Variants in ANKRD36C observed in about 807,000 individuals in gnomAD.
ANKRD36C encodes ankyrin repeat domain-containing protein 36C.
A neutral mutation model predicts 276.4 loss-of-function variants in ANKRD36C; 61 were observed. That is an observed-to-expected ratio of 0.22 (90% CI 0.18 to 0.27). The LOEUF (loss-of-function observed/expected upper bound fraction) is 0.27. Among genes scored for constraint, ANKRD36C ranks in the 10% least tolerant of loss-of-function variants. The pLI is 1.00. For synonymous variants in ANKRD36C, 483 were observed against 680.1 expected (o/e 0.71, Z 4.51); for missense variants, 1,447 against 2,032.3 (o/e 0.71, Z 5.54).
rs757484773 is a variant in ANKRD36C, at chr2:95,925,337, G to A, written c.2041+15C>T. On this transcript the variant is annotated intron_variant, in intron 30 of 66. Coordinates refer to ENST00000456556, the Ensembl canonical transcript of ANKRD36C. ...CTTGAGTGCACATGACATTAAATGT[G>A]TATTGCCAAATTACCTGTTCCAGAT... 9 of 1,571,562 alleles carry A rather than the reference G, an allele frequency of 5.7e-6. No individual in the cohort carries two copies. The South Asian group carries it at 7.0e-5, about 12-fold the overall frequency.
At chr2:95,908,864 G>A (rs1441304245) in intron 42 of ANKRD36C, among the ~76,000 whole-genome samples, 167 bp from the exon 47 acceptor site, 2 of 151,294 alleles carry the variant, frequency 1.3e-5, no homozygotes, top group Non-Finnish European at 3.0e-5. Context: ...AATACGCTGA[G>A]AAAAGGGAAT....
intron 38 of ANKRD36C, among the ~76,000 whole-genome samples, chr2:95,915,410 T>C (rs1252817256): frequency 6.6e-6 from 1 of 151,510 alleles, no homozygotes; most frequent in Admixed American, 6.6e-5. Flanking sequence ...AAATCAAATA[T>C]TGTTTATGGA....
chr2:95,946,435 T>C (rs1173293016), intron 17 of ANKRD36C, among the ~76,000 whole-genome samples: 3 of 142,084 alleles, frequency 2.1e-5, no homozygotes, highest in African/African-American at 7.9e-5. Flanking sequence ...TGTGGAGAAA[T>C]AGGAACACTT....
intron 40 of ANKRD36C, 79 bp from the exon 43 acceptor site, chr2:95,912,514 C>G: frequency 6.3e-7 from 1 of 1,592,660 alleles, no homozygotes; most frequent in Non-Finnish European, 8.5e-7. Context: ...GTGTTAGCAT[C>G]AACCTCTGAC....
intron 54 of ANKRD36C, among the ~76,000 whole-genome samples, chr2:95,883,316 CAATT>C (rs1381591134): frequency 2.0e-5 from 3 of 152,026 alleles, no homozygotes; most frequent in Non-Finnish European, 4.4e-5. Flanking sequence ...TTTTAAAAGT[CAATT>C]AATGAATTCA....
intron 58 of ANKRD36C, among the ~76,000 whole-genome samples, chr2:95,877,250 CT>C (rs1355659386): frequency 6.6e-6 from 1 of 152,106 alleles, no homozygotes; most frequent in African/African-American, 2.4e-5. Flanking sequence ...ACAGTCTCTT[CT>C]TTATATCTAA....
intron 14 of ANKRD36C, among the ~76,000 whole-genome samples, 171 bp downstream of exon 14, chr2:95,953,767 TA>T (rs1278218666): frequency 6.7e-6 from 1 of 148,338 alleles, no homozygotes; most frequent in Non-Finnish European, 1.5e-5. Context: ...TTTGCCAAAG[TA>T]AAAAAAATTA....
chr2:95,962,620 T>C, intron 6 of ANKRD36C, 73 bp from the exon 7 acceptor site: 2 of 1,561,846 alleles, frequency 1.3e-6, no homozygotes, highest in South Asian at 1.1e-5. Flanking sequence ...CATGCACTGT[T>C]ACCATCAAGC....
intron 5 of ANKRD36C, among the ~76,000 whole-genome samples, chr2:95,980,435 G>A (rs1314510670): frequency 1.3e-5 from 2 of 152,062 alleles, no homozygotes; most frequent in Non-Finnish European, 2.9e-5. Context: ...TCAATATCAA[G>A]AATCTTGCAC....
chr2:95,884,669 T>TA (rs1382768086), intron 52 of ANKRD36C, among the ~76,000 whole-genome samples: 1 of 152,088 alleles, frequency 6.6e-6, no homozygotes, highest in Non-Finnish European at 1.5e-5. Context: ...AAATGTGATC[T>TA]AAAATCAGAG....
At chr2:95,923,123 A>G (rs77780902) in intron 32 of ANKRD36C, among the ~76,000 whole-genome samples, 4 of 151,370 alleles carry the variant, frequency 2.6e-5, no homozygotes, top group South Asian at 4.2e-4. Flanking sequence ...TCACTTTTCC[A>G]TCTGTTTTTA....
intron 59 of ANKRD36C, among the ~76,000 whole-genome samples, chr2:95,871,139 A>G (rs1441110377): frequency 6.6e-6 from 1 of 152,222 alleles, no homozygotes; most frequent in Non-Finnish European, 1.5e-5. Flanking sequence ...AGGCAGGCCA[A>G]CATTCAGATT....
intron 42 of ANKRD36C, 116 bp from the exon 47 acceptor site, chr2:95,908,813 G>C: frequency 6.7e-7 from 1 of 1,499,254 alleles, no homozygotes; most frequent in Non-Finnish European, 9.0e-7. Flanking sequence ...CGTAGGCTTT[G>C]ATGGCTTCTA....
intron 6 of ANKRD36C, among the ~76,000 whole-genome samples, chr2:95,966,171 A>G (rs190209037): frequency 9.2e-5 from 14 of 152,210 alleles, no homozygotes; most frequent in Non-Finnish European, 1.2e-4. Context: ...CTTTAGTTTA[A>G]TTAGATCCCA....
chr2:95,888,081 A>G lies in ANKRD36C; in HGVS notation c.2988+11T>C, dbSNP rs753546266. ...GTTAATAGTTCACAATATAAATGAC[A>G]GTTTAATTACCTTCAAGGCTGGTTG... On this transcript the variant is annotated intron_variant, in intron 49 of 66. Transcript: ENST00000456556. 6.2e-6 allele frequency: 10 copies of G among 1,609,688 alleles called. No homozygotes were observed. Among genetic ancestry groups the G allele is most frequent in the Non-Finnish European group, 7.6e-6 (9 of 1,178,320 alleles).
intron 13 of ANKRD36C, among the ~76,000 whole-genome samples, chr2:95,955,177 T>C (rs908471351): frequency 7.9e-5 from 12 of 152,274 alleles, no homozygotes. Flanking sequence ...CACAGATCTA[T>C]GTACTTAAGC....
rs560755021 is a variant in ANKRD36C, at chr2:95,957,518, T to C, written c.1106-702A>G. On this transcript the variant is annotated intron_variant, in intron 12 of 66. Transcript: ENST00000456556. The stretch of plus-strand genomic sequence containing the variant: ...GTGGTATAATAATGAGCCTACACTT[T>C]TGTATTTTCTGGTTTAACCTTCAGA... Among the ~76,000 whole-genome samples, 5 of 152,420 alleles carry C rather than the reference T, an allele frequency of 3.3e-5. No individual in the cohort carries two copies. In the South Asian group the frequency reaches 1.0e-3, roughly 32 times the overall value.
At chr2:95,902,691 G>A in intron 42 of ANKRD36C, among the ~76,000 whole-genome samples, 195 bp downstream of exon 54, 1 of 150,302 alleles carries the variant, frequency 6.7e-6, no homozygotes, top group Non-Finnish European at 1.5e-5. Context: ...ATGGGGAAGT[G>A]TATAATCTTA....
At position 95,910,448 on chromosome 2, in the gene ANKRD36C, G is replaced by C. The variant is rs747908696; in HGVS notation, c.2653+1796C>G. ...GAATCTTCCTCGTCACTTGTAGCCT[G>C]AATAGAATTTGAAACGAAATAATAA... On this transcript the variant is annotated intron_variant, in intron 42 of 66. Coordinates refer to ENST00000456556, the Ensembl canonical transcript of ANKRD36C. 6 of 1,572,838 alleles carry C rather than the reference G, an allele frequency of 3.8e-6. No homozygotes were observed. The East Asian group carries it at 1.4e-4, about 37-fold the overall frequency.
Sources: gnomAD v4.1 joint callset for allele counts (sites outside exome capture counted in the v4.1 genomes callset) on GRCh38, gnomAD v4.1.1 for gene constraint, MANE v1.5 for transcripts, NCBI Gene and HGNC (gene_info 2026-07-23, HGNC 2026-07-21) for gene names.